The following NTPCR variants were observed in gnomAD, a reference collection of about 807,000 sequenced individuals.
NTPCR encodes nucleoside-triphosphatase, cancer-related.
Under a neutral mutation model 19.5 loss-of-function variants are expected in NTPCR, and 15 were observed. That is an observed-to-expected ratio of 0.77 (90% CI 0.51 to 1.18). The LOEUF is 1.18. Among genes scored for constraint, NTPCR ranks in the 50% most tolerant of loss-of-function variants. The pLI, the probability that NTPCR is intolerant of heterozygous loss-of-function variation, is 0.00. For synonymous variants in NTPCR, 90 were observed against 95.8 expected, an observed-to-expected ratio of 0.94 and a Z score of 0.36; for missense variants, 206 against 240.4, an observed-to-expected ratio of 0.86 and a Z score of 0.95.
intron 4 of NTPCR, among the ~76,000 whole-genome samples, chr1:232,975,084 G>A (rs1179679109): frequency 1.3e-5 from 2 of 152,176 alleles, no homozygotes; most frequent in South Asian, 2.1e-4. Flanking sequence ...CATTGAAAAT[G>A]TTATCAACAA....
At chr1:232,953,827 A>G (rs1047427088) in intron 1 of NTPCR, among the ~76,000 whole-genome samples, 1 of 152,016 alleles carries the variant, frequency 6.6e-6, no homozygotes, top group Non-Finnish European at 1.5e-5. Context: ...TCTATTTTCC[A>G]TGCTAATAAA....
chr1:232,970,288 C>G (rs907281845), intron 4 of NTPCR, among the ~76,000 whole-genome samples, 170 bp downstream of exon 4: 7 of 152,220 alleles, frequency 4.6e-5, no homozygotes, highest in Non-Finnish European at 8.8e-5. Context: ...TATACCTCTA[C>G]TTGATGAAAA....
Position 232,979,619 on chromosome 1 carries a change from T to A in NTPCR, c.*1388T>A, listed in dbSNP as rs1292990566. 6.6e-6 allele frequency: 1 copy of A among 152,244 alleles called. No homozygotes were observed. Among genetic ancestry groups the A allele is most frequent in the Non-Finnish European group, 1.5e-5 (1 of 68,090 alleles). The allele number at this position is 152,244 out of a possible 1,614,324, so 9.4% of individuals were successfully genotyped here. A position where few individuals can be genotyped will look rare whatever the true frequency, so the allele number is the denominator to read the frequency against. On this transcript the variant is annotated 3_prime_UTR_variant, in exon 5 of 5. Transcript: ENST00000366628. This position sits in a 1 kb window ranked among gnomAD's most constrained non-coding sequence, Gnocchi z 5.3. ...GGGCTACCTGCCCAGGAGGAGGAAG[T>A]GGGCATCTCCTTCCACAGTCCCTGC... is the stretch of plus-strand genomic sequence containing the variant.
chr1:232,978,202 G>GT lies in NTPCR; in HGVS notation c.545dup (p.Thr183AspfsTer75). 1 of 1,614,154 alleles carries GT rather than the reference G, an allele frequency of 6.2e-7. No homozygotes were observed. Among genetic ancestry groups the GT allele is most frequent in the Non-Finnish European group, 8.5e-7 (1 of 1,180,002 alleles). On this transcript the variant is annotated frameshift_variant, in exon 5 of 5. Transcript: ENST00000366628. LOFTEE classifies it high-confidence loss of function. ...CAGAAACCACCTTCTGCCAGATATC[G>GT]TGACGTGCGTGCAGAGCAGCAGGAA...
chr1:232,954,776 G>A (rs1668468416), intron 1 of NTPCR, among the ~76,000 whole-genome samples: 1 of 152,162 alleles, frequency 6.6e-6, no homozygotes, highest in Non-Finnish European at 1.5e-5. Flanking sequence ...TACTATATTA[G>A]GTAGCACCTG....
At chr1:232,952,079 G>A (rs1018099154) in intron 1 of NTPCR, among the ~76,000 whole-genome samples, 4 of 151,814 alleles carry the variant, frequency 2.6e-5, no homozygotes, top group Non-Finnish European at 4.4e-5. Flanking sequence ...TCAAACCCAC[G>A]CACCTTTGTC....
intron 1 of NTPCR, among the ~76,000 whole-genome samples, chr1:232,954,909 G>C (rs1338752750): frequency 6.6e-6 from 1 of 152,114 alleles, no homozygotes; most frequent in East Asian, 1.9e-4. Context: ...GGGAAGGTGT[G>C]GGGGATAAAG....
chr1:232,960,404 C>T (rs1014054425), intron 3 of NTPCR, among the ~76,000 whole-genome samples: 3 of 150,524 alleles, frequency 2.0e-5, no homozygotes, highest in South Asian at 2.1e-4. Context: ...AGTGCAGTGG[C>T]GCCATCTCAG....
intron 4 of NTPCR, among the ~76,000 whole-genome samples, chr1:232,975,636 T>C (rs1279836483): frequency 6.6e-6 from 1 of 152,204 alleles, no homozygotes; most frequent in East Asian, 1.9e-4. Flanking sequence ...TCTGACCCCA[T>C]GGTGCTCACA....
chr1:232,969,648 T>C (rs958645097), intron 3 of NTPCR: 1 of 372,556 alleles, frequency 2.7e-6, no homozygotes, highest in Non-Finnish European at 5.0e-6. Context: ...TGTCCGTTAC[T>C]TCCTTGAACA....
chr1:232,950,991 A>G, intron 1 of NTPCR: 1 of 462,220 alleles, frequency 2.2e-6, no homozygotes. Flanking sequence ...CTTCTTGATG[A>G]AGGGCAGAAA....
At chr1:232,958,097 G>T (rs1246892675) in intron 3 of NTPCR, among the ~76,000 whole-genome samples, 1 of 152,190 alleles carries the variant, frequency 6.6e-6, no homozygotes, top group Non-Finnish European at 1.5e-5. Context: ...TGTGGACCAT[G>T]TTAAGGAATG....
chr1:232,976,955 C>T (rs527456582), intron 4 of NTPCR: 1 of 159,112 alleles, frequency 6.3e-6, no homozygotes, highest in African/African-American at 2.4e-5. Flanking sequence ...GTACAGTCTC[C>T]TAAAGACAAC....
intron 1 of NTPCR, chr1:232,951,058 A>G (rs918397131): frequency 2.0e-5 from 7 of 342,710 alleles, no homozygotes; most frequent in Non-Finnish European, 3.7e-5. Context: ...TGTGGTCTGC[A>G]CAAATGGTAT....
At position 232,969,651 on chromosome 1, in the gene NTPCR, C is replaced by CT. The variant is rs1274753960; in HGVS notation, c.295-256dup. The CT allele has an allele frequency of 3.1e-5, 12 of 383,468 alleles. No homozygotes were observed. In the Admixed American group the frequency reaches 4.4e-4, roughly 14 times the overall value. The allele number at this position is 383,468 out of a possible 1,614,324, so 23.8% of individuals were successfully genotyped here. On this transcript the variant is annotated intron_variant, in intron 3 of 4. Transcript: ENST00000366628. ...TATTCCAATTTATGTCCGTTACTTC[C>CT]TTGAACATCCCACTGGTGACAGGCA...
rs1222913033 is a variant in NTPCR at position 232,980,172 on chromosome 1, G to T, written c.*1941G>T. ...CTAGTCTGAGGGGCTTATCACTGAA[G>T]CCAGTTGTGCTTATGTGGGGTGGGA... On this transcript the variant is annotated 3_prime_UTR_variant, in exon 5 of 5. Coordinates refer to ENST00000366628, the MANE Select transcript of NTPCR (RefSeq NM_032324.3). 3.9e-5 allele frequency: 6 copies of T among 152,244 alleles called. No homozygotes were observed. The highest frequency in any genetic ancestry group is 3.9e-4 in the Admixed American group (6 of 15,284). The allele number at this position is 152,244 out of a possible 1,614,324, so 9.4% of individuals were successfully genotyped here.
intron 3 of NTPCR, chr1:232,962,985 C>G (rs1317073134): frequency 6.6e-6 from 1 of 152,152 alleles, no homozygotes; most frequent in Non-Finnish European, 1.5e-5. Flanking sequence ...TGTAGAAAAA[C>G]CAAGTTCTAG....
At chr1:232,975,095 CT>C (rs1248624045) in intron 4 of NTPCR, among the ~76,000 whole-genome samples, 19 of 152,158 alleles carry the variant, frequency 1.2e-4, no homozygotes, top group African/African-American at 4.6e-4. Context: ...TTATCAACAA[CT>C]TTAGTTCTTT....
chr1:232,961,493 A>G lies in NTPCR; in HGVS notation c.294+5050A>G, dbSNP rs913236099. On this transcript the variant is annotated intron_variant, in intron 3 of 4. Transcript: ENST00000366628. The stretch of plus-strand genomic sequence containing the variant: ...GGGGTTAAATGTTTTTCAGTTGTTC[A>G]TTAAGTTTTCCTTAATTTTAGTTGT... Among the ~76,000 whole-genome samples the G allele has an allele frequency of 2.0e-5, 3 of 152,094 alleles. No homozygotes were observed. The East Asian group carries it at 5.8e-4, about 29-fold the overall frequency.
Sources: gnomAD v4.1 joint callset for allele counts (sites outside exome capture counted in the v4.1 genomes callset) on GRCh38, gnomAD v4.1.1 for gene constraint, Gnocchi (gnomAD v3.1) non-coding constraint, MANE v1.5 for transcripts, NCBI Gene and HGNC (gene_info 2026-07-23, HGNC 2026-07-21) for gene names.